The following EIF4E variants were observed in gnomAD, a reference collection of about 807,000 sequenced individuals.
EIF4E encodes eIF-4F 25 kDa subunit.
For synonymous variants in EIF4E, 71 were observed against 88.5 expected, an observed-to-expected ratio of 0.80 and a Z score of 1.11; for missense variants, 113 against 265.6, an observed-to-expected ratio of 0.43 and a Z score of 3.99.
intron 1 of EIF4E, among the ~76,000 whole-genome samples, chr4:98,911,803 G>A (rs1725153582): frequency 6.7e-6 from 1 of 150,350 alleles, no homozygotes; most frequent in Non-Finnish European, 1.5e-5. Context: ...TATAGCTTAA[G>A]CCAACATCAC....
At chr4:98,882,698 A>G (rs753228591) in intron 6 of EIF4E, among the ~76,000 whole-genome samples, 25 of 152,030 alleles carry the variant, frequency 1.6e-4, no homozygotes, top group Non-Finnish European at 3.1e-4. Flanking sequence ...AAGACCATTG[A>G]GTCATGCAAA....
chr4:98,916,240 T>G (rs1309896348), intron 1 of EIF4E, among the ~76,000 whole-genome samples: 9 of 140,904 alleles, frequency 6.4e-5, no homozygotes, highest in East Asian at 2.1e-4. Flanking sequence ...AGATTTTGCA[T>G]GTATATAACA....
chr4:98,892,175 C>G (rs1158518119), intron 2 of EIF4E, among the ~76,000 whole-genome samples: 1 of 149,046 alleles, frequency 6.7e-6, no homozygotes, highest in Non-Finnish European at 1.5e-5. Flanking sequence ...GGAGAAACTC[C>G]GTCTCTAGGA....
rs1456598484 is a variant in EIF4E, at chr4:98,917,126, AC to A, written c.18+11968del. On this transcript the variant is annotated intron_variant, in intron 1 of 6. Coordinates refer to ENST00000450253, the MANE Select transcript of EIF4E (RefSeq NM_001968.5). ...CACACACACACACACACACACACAC[AC>A]ACACACAAAAAAAACCCAAATGCTC... Among the ~76,000 whole-genome samples the A allele has an allele frequency of 1.0e-3, 54 of 52,184 alleles. 1 individual carries two copies. Among genetic ancestry groups the A allele is most frequent in the South Asian group, 2.6e-3 (6 of 2,266 alleles). 34.2% of individuals were successfully genotyped at this position (52,184 alleles called of 152,430 possible).
At chr4:98,895,487 A>G (rs1724341034) in intron 2 of EIF4E, 1 of 152,238 alleles carries the variant, frequency 6.6e-6, no homozygotes, top group Non-Finnish European at 1.5e-5. Flanking sequence ...TTTCTCATCA[A>G]CACGAATGTT....
intron 1 of EIF4E, among the ~76,000 whole-genome samples, chr4:98,911,118 C>T (rs1377015897): frequency 1.3e-5 from 2 of 151,536 alleles, no homozygotes; most frequent in African/African-American, 4.8e-5. Flanking sequence ...GGCGCGATCT[C>T]GGCTCACTGC....
chr4:98,921,464 G>A (rs1725642278), intron 1 of EIF4E, among the ~76,000 whole-genome samples: 1 of 151,644 alleles, frequency 6.6e-6, no homozygotes, highest in South Asian at 2.1e-4. Context: ...CACCTCCCAG[G>A]TTGAAGCAAT....
rs1044543495 is a variant in EIF4E at position 98,898,805 on chromosome 4, A to G, written c.125+3071T>C. On this transcript the variant is annotated intron_variant, in intron 2 of 6. Coordinates refer to ENST00000450253, the MANE Select transcript of EIF4E (RefSeq NM_001968.5). ...AAAAATATAGTAAATAACAATAGAT[A>G]AAAATCCACATAAAGCTCTGTAGAG... Among the ~76,000 whole-genome samples, 24 of 152,280 alleles carry G rather than the reference A, an allele frequency of 1.6e-4. No individual in the cohort carries two copies. The South Asian group carries it at 3.3e-3, about 21-fold the overall frequency.
At chr4:98,927,415 G>A (rs1269192390) in intron 1 of EIF4E, among the ~76,000 whole-genome samples, 1 of 152,080 alleles carries the variant, frequency 6.6e-6, no homozygotes, top group African/African-American at 2.4e-5. Context: ...CAGCACTTTG[G>A]GAGGCTGAGG....
intron 1 of EIF4E, among the ~76,000 whole-genome samples, chr4:98,922,581 GT>G (rs1343273258): frequency 6.6e-6 from 1 of 151,328 alleles, no homozygotes; most frequent in African/African-American, 2.4e-5. Flanking sequence ...AAATAAATGA[GT>G]TAATATATGT....
chr4:98,928,884 C>T, intron 1 of EIF4E: 2 of 1,549,714 alleles, frequency 1.3e-6, no homozygotes, highest in Non-Finnish European at 1.7e-6. Flanking sequence ...CCCCAGTTCT[C>T]GGGCCCCCAC....
intron 6 of EIF4E, among the ~76,000 whole-genome samples, chr4:98,881,734 G>C (rs1723700112): frequency 6.6e-6 from 1 of 152,124 alleles, no homozygotes; most frequent in African/African-American, 2.4e-5. Context: ...TCGAGGGAGT[G>C]AATGAAACAC....
At chr4:98,881,807 C>T (rs1017972020) in intron 6 of EIF4E, among the ~76,000 whole-genome samples, 11 of 152,178 alleles carry the variant, frequency 7.2e-5, no homozygotes, top group South Asian at 4.1e-4. Context: ...TCAAGTAAGA[C>T]ATGACTCTAT....
chr4:98,904,813 A>G (rs1374171220), intron 1 of EIF4E, among the ~76,000 whole-genome samples: 1 of 152,142 alleles, frequency 6.6e-6, no homozygotes, highest in African/African-American at 2.4e-5. Flanking sequence ...TACTTTTCCA[A>G]CAACTTAAAA....
intron 3 of EIF4E, among the ~76,000 whole-genome samples, chr4:98,888,557 A>T (rs1724016898): frequency 6.6e-6 from 1 of 152,190 alleles, no homozygotes; most frequent in African/African-American, 2.4e-5. Flanking sequence ...GATTATAATC[A>T]CCTAAATATA....
intron 2 of EIF4E, among the ~76,000 whole-genome samples, chr4:98,894,684 C>A (rs1724290061): frequency 6.6e-6 from 1 of 152,212 alleles, no homozygotes; most frequent in South Asian, 2.1e-4. Flanking sequence ...CTTGAACTTA[C>A]TCTATATCAG....
At chr4:98,899,699 G>T (rs974877580) in intron 2 of EIF4E, among the ~76,000 whole-genome samples, 1 of 152,104 alleles carries the variant, frequency 6.6e-6, no homozygotes, top group Non-Finnish European at 1.5e-5. Flanking sequence ...CAAGACGGTG[G>T]TTTAAAACAA....
intron 1 of EIF4E, chr4:98,928,867 A>C (rs1579194165): frequency 6.5e-7 from 1 of 1,538,788 alleles, no homozygotes; most frequent in Non-Finnish European, 8.8e-7. Flanking sequence ...CCTCCCCCAC[A>C]CCGCTCCCCC....
intron 1 of EIF4E, among the ~76,000 whole-genome samples, chr4:98,918,762 C>G (rs1725516913): frequency 6.6e-6 from 1 of 152,124 alleles, no homozygotes; most frequent in Non-Finnish European, 1.5e-5. Context: ...ATGTAATGCT[C>G]TACAAGACAT....
Sources: allele counts gnomAD v4.1 joint callset (sites outside exome capture counted in the v4.1 genomes callset), GRCh38; gene constraint gnomAD v4.1.1; transcripts MANE v1.5; gene names NCBI Gene and HGNC (gene_info 2026-07-23, HGNC 2026-07-21).